Variants in MAD1L1 observed in about 807,000 individuals in gnomAD.
The protein encoded by MAD1L1 is mitotic spindle assembly checkpoint protein MAD1.
Under a neutral mutation model 96.9 loss-of-function variants are expected in MAD1L1, and 95 were observed. That is an observed-to-expected ratio of 0.98 (90% confidence interval 0.83 to 1.16). The LOEUF is 1.16. Among genes scored for constraint, MAD1L1 ranks in the 50% most tolerant of loss-of-function variants. MAD1L1 has a pLI of 0.00. For missense variants in MAD1L1, 1,007 were observed against 954.4 expected (o/e 1.06, Z -0.73); for synonymous variants, 473 against 396.6 (o/e 1.19, Z -2.29).
At chr7:1,985,230 C>T (rs953331377) in intron 14 of MAD1L1, among the ~76,000 whole-genome samples, 5 of 152,214 alleles carry the variant, frequency 3.3e-5, no homozygotes. Flanking sequence ...CCCCTTGAGG[C>T]CGGAATGAAA....
rs77444858 is a variant in MAD1L1 at position 2,030,806 on chromosome 7, C to T, written c.1219-16164G>A. ...CCGTGGGAGGCGCCCTGCTGTCAGA[C>T]GCGTTTCTGTCCTCCTCAGCCCCCA... is the stretch of plus-strand genomic sequence containing the variant. On this transcript the variant is annotated intron_variant, in intron 12 of 18. Coordinates refer to ENST00000265854, the MANE Select transcript of MAD1L1 (RefSeq NM_001013836.2). 9.7e-3 allele frequency among the ~76,000 whole-genome samples: 1,475 copies of T among 152,338 alleles called. 29 individuals are homozygous for T. Among genetic ancestry groups the T allele is most frequent in the African/African-American group, 0.033 (1,368 of 41,574 alleles).
At chr7:2,177,307 A>G (rs1168323512) in intron 10 of MAD1L1, among the ~76,000 whole-genome samples, 3 of 152,210 alleles carry the variant, frequency 2.0e-5, no homozygotes, top group Non-Finnish European at 4.4e-5. Context: ...GCCTAGTGCT[A>G]TGCATTCATG....
intron 18 of MAD1L1, among the ~76,000 whole-genome samples, chr7:1,893,789 T>A (rs1334933343): frequency 3.9e-5 from 6 of 152,198 alleles, no homozygotes; most frequent in Non-Finnish European, 8.8e-5. Flanking sequence ...TGGCCAAGGC[T>A]GCACACCAGG....
At position 2,229,969 on chromosome 7, in the gene MAD1L1, G is replaced by C; in HGVS notation, c.150+15C>G. On this transcript the variant is annotated intron_variant, in intron 3 of 18. Transcript: ENST00000265854. ...CTCCCCAGAGCAGACTCCCACCCAG[G>C]CACATGCCACTCACCTGCATGCTCT... 6.2e-7 allele frequency: 1 copy of C among 1,611,584 alleles called. No homozygotes were observed. Among genetic ancestry groups the C allele is most frequent in the Non-Finnish European group, 8.5e-7 (1 of 1,179,804 alleles).
chr7:2,210,559 C>T (rs1412210046), intron 10 of MAD1L1, among the ~76,000 whole-genome samples: 2 of 145,194 alleles, frequency 1.4e-5, no homozygotes, highest in Admixed American at 6.8e-5. Context: ...GAGCCGTATT[C>T]GGGACCGCCA....
chr7:2,107,977 C>T (rs897956000), intron 11 of MAD1L1, among the ~76,000 whole-genome samples: 1 of 150,948 alleles, frequency 6.6e-6, no homozygotes, highest in East Asian at 1.9e-4. Flanking sequence ...GACACCGGCA[C>T]CCCCCCACCC....
chr7:2,184,552 T>C (rs1791368497), intron 10 of MAD1L1, among the ~76,000 whole-genome samples: 1 of 152,224 alleles, frequency 6.6e-6, no homozygotes, highest in Non-Finnish European at 1.5e-5. Flanking sequence ...ATTTGACTTC[T>C]GGGTGCTCAC....
chr7:1,833,063 G>A (rs1782786509), intron 18 of MAD1L1, among the ~76,000 whole-genome samples: 2 of 152,208 alleles, frequency 1.3e-5, no homozygotes, highest in South Asian at 4.1e-4. Flanking sequence ...AAAGGTTCGG[G>A]TGATCATTAG....
At chr7:1,962,814 G>C (rs1268142561) in intron 15 of MAD1L1, among the ~76,000 whole-genome samples, 1 of 152,220 alleles carries the variant, frequency 6.6e-6, no homozygotes, top group Non-Finnish European at 1.5e-5. Context: ...GGGTGTGGTG[G>C]TGCACACCTG....
intron 12 of MAD1L1, among the ~76,000 whole-genome samples, chr7:2,047,324 C>T (rs1783970022): frequency 6.6e-6 from 1 of 152,192 alleles, no homozygotes; most frequent in Admixed American, 6.5e-5. Context: ...GCAGACCGTG[C>T]CGATGATTGC....
intron 11 of MAD1L1, among the ~76,000 whole-genome samples, chr7:2,133,604 C>T (rs1221741005): frequency 1.3e-5 from 2 of 152,182 alleles, no homozygotes; most frequent in African/African-American, 2.4e-5. Context: ...TGGTGTTGTA[C>T]GTTAAAAGTC....
intron 18 of MAD1L1, among the ~76,000 whole-genome samples, chr7:1,821,038 G>A (rs560740529): frequency 9.1e-4 from 121 of 132,888 alleles, no homozygotes; most frequent in Non-Finnish European, 1.5e-3. Context: ...CCGAGATCGT[G>A]CCACTGCACT....
rs573425006 is a variant in MAD1L1 at position 1,842,357 on chromosome 7, C to T, written c.1999-26129G>A. 9.8e-5 allele frequency among the ~76,000 whole-genome samples: 15 copies of T among 152,366 alleles called. No homozygotes were observed. In the East Asian group the frequency reaches 2.7e-3, roughly 27 times the overall value. ...ACCCAGCAGCTCCCTGCGGCTCCGG[C>T]CCTGGAGGCCTGAGGTGGCCTTGCC... On this transcript the variant is annotated intron_variant, in intron 18 of 18. Transcript: ENST00000265854.
In MAD1L1 at chr7:1,935,951, C is replaced by A. The variant is rs374446702; in HGVS notation, c.1807+736G>T. On this transcript the variant is annotated intron_variant, in intron 17 of 18. Coordinates refer to ENST00000265854, the MANE Select transcript of MAD1L1 (RefSeq NM_001013836.2). The stretch of plus-strand genomic sequence containing the variant: ...ACAGGGAACCCTCCCCCAGGTCCCC[C>A]CAGAACCAGGAGCGTGGGGCAGTGC... 3.3e-5 allele frequency among the ~76,000 whole-genome samples: 5 copies of A among 152,348 alleles called. No homozygotes were observed. The East Asian group carries it at 5.8e-4, about 18-fold the overall frequency.
At chr7:2,194,630 T>C (rs1402587134) in intron 10 of MAD1L1, among the ~76,000 whole-genome samples, 2 of 152,188 alleles carry the variant, frequency 1.3e-5, no homozygotes, top group Non-Finnish European at 2.9e-5. Flanking sequence ...ATATTTACTA[T>C]TAATACCCAG....
In MAD1L1 at chr7:1,870,789, G is replaced by T. The variant is rs111240252; in HGVS notation, c.1998+27411C>A. Among the ~76,000 whole-genome samples, 467 of 108,980 alleles carry T rather than the reference G, an allele frequency of 4.3e-3. 6 individuals carry two copies. Among genetic ancestry groups the T allele is most frequent in the Middle Eastern group, 8.8e-3 (1 of 114 alleles). 71.5% of individuals were successfully genotyped at this position (108,980 alleles called of 152,430 possible). A position where few individuals can be genotyped will look rare whatever the true frequency, so the allele number is the denominator to read the frequency against. On this transcript the variant is annotated intron_variant, in intron 18 of 18. Coordinates refer to ENST00000265854, the MANE Select transcript of MAD1L1 (RefSeq NM_001013836.2). ...CTGAACCGACCATAACACCTGCCACGCTGAACCCAACATATGCCTGCCACG... is the reference window on the plus strand; with the variant it reads ...CTGAACCGACCATAACACCTGCCACTCTGAACCCAACATATGCCTGCCACG...
At chr7:2,165,203 C>CA (rs1254223969) in intron 10 of MAD1L1, among the ~76,000 whole-genome samples, 50 of 126,502 alleles carry the variant, frequency 4.0e-4, no homozygotes, top group South Asian at 4.9e-4. Flanking sequence ...GACTCCATCT[C>CA]AAAAAAAAAA....
At chr7:2,223,088 C>T (rs1209750312) in intron 4 of MAD1L1, among the ~76,000 whole-genome samples, 1 of 152,192 alleles carries the variant, frequency 6.6e-6, no homozygotes, top group Non-Finnish European at 1.5e-5. Flanking sequence ...TCAGCATTGA[C>T]CTTGGGGAGA....
At chr7:2,180,132 C>T (rs1791131388) in intron 10 of MAD1L1, among the ~76,000 whole-genome samples, 2 of 152,192 alleles carry the variant, frequency 1.3e-5, no homozygotes, top group South Asian at 2.1e-4. Context: ...CACCAGAACG[C>T]TGACACAGAA....
Sources: allele counts gnomAD v4.1 joint callset (sites outside exome capture counted in the v4.1 genomes callset), GRCh38; gene constraint gnomAD v4.1.1; transcripts MANE v1.5; gene names NCBI Gene and HGNC (gene_info 2026-07-23, HGNC 2026-07-21).